Variants in MAP3K9 observed in about 807,000 individuals in gnomAD.
The protein encoded by MAP3K9 is mixed lineage kinase 1 (tyr and ser/thr specificity).
A neutral mutation model predicts 95.8 loss-of-function variants in MAP3K9; 46 were observed. The observed-to-expected ratio is 0.48, with a 90% CI of 0.38 to 0.61. The LOEUF (loss-of-function observed/expected upper bound fraction) is 0.61, where lower values mean the gene tolerates loss of function less well. Among genes scored for constraint, MAP3K9 ranks in the 20% least tolerant of loss-of-function variants. The probability of loss-of-function intolerance (pLI) is 0.00; values close to 1 mark genes in which losing one functional copy is unlikely to be tolerated. For missense variants in MAP3K9, 1,296 were observed against 1,474.3 expected (o/e 0.88, Z 1.98); for synonymous variants, 533 against 593.8 (o/e 0.90, Z 1.49).
At position 70,735,966 on chromosome 14, in the gene MAP3K9, G is replaced by A; in HGVS notation, c.1908C>T (p.His636=). 6.2e-7 allele frequency: 1 copy of A among 1,611,470 alleles called. No homozygotes were observed. The highest frequency in any genetic ancestry group is 8.5e-7 in the Non-Finnish European group (1 of 1,177,620). The change falls in exon 9 of 12, where the codon CAC becomes CAT. Residue 636 remains histidine (H), a synonymous_variant. Coordinates refer to ENST00000554752, the MANE Select transcript of MAP3K9 (RefSeq NM_001284230.2). ...AGGGTGAAGATGAGACTCACCCCAAGTGGAAATGTGGAGATTCTGATGGGG... is the reference window on the plus strand; with the variant it reads ...AGGGTGAAGATGAGACTCACCCCAAATGGAAATGTGGAGATTCTGATGGGG... ...LSTPSESPHF[H]LGLKSLVDGY... is the part of the protein sequence containing the mutation.
chr14:70,803,846 T>C (rs1397553765), intron 1 of MAP3K9, among the ~76,000 whole-genome samples: 3 of 152,222 alleles, frequency 2.0e-5, no homozygotes, highest in Non-Finnish European at 2.9e-5. Flanking sequence ...CAAATTTCAG[T>C]ACTACAGAGG....
At position 70,809,297 on chromosome 14, in the gene MAP3K9, G is replaced by A. The variant is rs1322126516; in HGVS notation, c.-126C>T. On this transcript the variant is annotated 5_prime_UTR_variant, in exon 1 of 12. Coordinates refer to ENST00000554752, the MANE Select transcript of MAP3K9 (RefSeq NM_001284230.2). ...ACGACGGCGGCCGCAGGTAGGGCCCGGGCTGGCAGGGCTGGGAGAGCCGGC... is the reference window on the plus strand; with the variant it reads ...ACGACGGCGGCCGCAGGTAGGGCCCAGGCTGGCAGGGCTGGGAGAGCCGGC... 4.3e-6 allele frequency: 5 copies of A among 1,158,530 alleles called. No homozygotes were observed. Among genetic ancestry groups the A allele is most frequent in the Non-Finnish European group, 5.4e-6 (5 of 918,018 alleles). 71.8% of individuals were successfully genotyped at this position (1,158,530 alleles called of 1,614,324 possible). A position where few individuals can be genotyped will look rare whatever the true frequency, so the allele number is the denominator to read the frequency against.
chr14:70,739,824 G>T lies in MAP3K9; in HGVS notation c.1690+218C>A, dbSNP rs1346449324. 3 of 1,428,264 alleles carry T rather than the reference G, an allele frequency of 2.1e-6. No individual in the cohort carries two copies. The African/African-American group carries it at 4.2e-5, about 20-fold the overall frequency. 88.5% of individuals were successfully genotyped at this position (1,428,264 alleles called of 1,614,324 possible). A position where few individuals can be genotyped will look rare whatever the true frequency, so the allele number is the denominator to read the frequency against. On this transcript the variant is annotated intron_variant, in intron 7 of 11. Transcript: ENST00000554752. ...TACCCACAAATCCCTTTGCTGATAT[G>T]TGACTAAAAGGTAGAGGGGGCAGTA...
At chr14:70,761,518 T>C (rs960136318) in intron 2 of MAP3K9, among the ~76,000 whole-genome samples, 2 of 152,168 alleles carry the variant, frequency 1.3e-5, no homozygotes, top group African/African-American at 4.8e-5. Context: ...ATCCCAGCAT[T>C]TGGGGAGGCC....
chr14:70,761,641 G>C (rs1223454219), intron 2 of MAP3K9, among the ~76,000 whole-genome samples: 1 of 152,186 alleles, frequency 6.6e-6, no homozygotes, highest in Non-Finnish European at 1.5e-5. Context: ...GTGCACGCCA[G>C]TGACTCTCAA....
At chr14:70,772,077 AC>A (rs1390965208) in intron 2 of MAP3K9, among the ~76,000 whole-genome samples, 1 of 152,080 alleles carries the variant, frequency 6.6e-6, no homozygotes, top group South Asian at 2.1e-4. Flanking sequence ...CAAATGATTC[AC>A]CACCTAGACT....
chr14:70,734,503 A>G lies in MAP3K9; in HGVS notation c.1914-5T>C. The G allele has an allele frequency of 1.9e-6, 3 of 1,548,966 alleles. No homozygotes were observed. The highest frequency in any genetic ancestry group is 2.7e-6 in the Non-Finnish European group (3 of 1,123,680). ...CCATCTACCAGGGACTTGAGGCTGAATCAGAGGAAAAGAGGAAACTGTCAG... is the reference window on the plus strand; with the variant it reads ...CCATCTACCAGGGACTTGAGGCTGAGTCAGAGGAAAAGAGGAAACTGTCAG... On this transcript the variant is annotated splice_region_variant and splice_polypyrimidine_tract_variant and intron_variant, in intron 9 of 11. Coordinates refer to ENST00000554752, the MANE Select transcript of MAP3K9 (RefSeq NM_001284230.2).
At position 70,760,953 on chromosome 14, in the gene MAP3K9, C is replaced by A. The variant is rs747280168; in HGVS notation, c.1001+49G>T. On this transcript the variant is annotated intron_variant, in intron 3 of 11. Transcript: ENST00000554752. ...TTCTCCAAGTCTTGAAATGTGTGTG[C>A]CACCAAGATGGACCTAGGAAATGCT... The A allele has an allele frequency of 6.3e-6, 10 of 1,584,148 alleles. No individual in the cohort carries two copies. The Admixed American group carries it at 1.7e-4, about 27-fold the overall frequency.
chr14:70,761,330 T>TGACC (rs2054371985), intron 2 of MAP3K9, 148 bp from the exon 3 acceptor site: 1 of 650,170 alleles, frequency 1.5e-6, no homozygotes, highest in African/African-American at 1.8e-5. Flanking sequence ...CCATCATTTC[T>TGACC]TAAACACCTA....
chr14:70,790,916 A>C (rs1473409062), intron 2 of MAP3K9, among the ~76,000 whole-genome samples: 4 of 152,194 alleles, frequency 2.6e-5, no homozygotes, highest in Non-Finnish European at 5.9e-5. Context: ...TAAGGAATGG[A>C]AATTTTTCCA....
In MAP3K9 at chr14:70,745,564, C is replaced by G. The variant is rs562844608; in HGVS notation, c.1327-2973G>C. On this transcript the variant is annotated intron_variant, in intron 5 of 11. Coordinates refer to ENST00000554752, the MANE Select transcript of MAP3K9 (RefSeq NM_001284230.2). Reference sequence around the variant, plus strand: ...ACCAGCCTGGCCATGATAGTGAAACCCTGTCTCTACTAAAAACATAAGAAT... The same window carrying G: ...ACCAGCCTGGCCATGATAGTGAAACGCTGTCTCTACTAAAAACATAAGAAT... Among the ~76,000 whole-genome samples, 11 of 152,128 alleles carry G rather than the reference C, an allele frequency of 7.2e-5. No homozygotes were observed. The East Asian group carries it at 2.1e-3, about 29-fold the overall frequency.
At chr14:70,755,630 C>A (rs2054288893) in intron 3 of MAP3K9, among the ~76,000 whole-genome samples, 1 of 152,198 alleles carries the variant, frequency 6.6e-6, no homozygotes, top group Non-Finnish European at 1.5e-5. Context: ...GTATGTACAG[C>A]AGTGGGCACA....
chr14:70,805,107 C>T (rs777170041), intron 1 of MAP3K9, among the ~76,000 whole-genome samples: 55 of 152,176 alleles, frequency 3.6e-4, no homozygotes, highest in Non-Finnish European at 6.8e-4. Context: ...AGGATATTTC[C>T]AGGAATATCA....
rs938347322 is a variant in MAP3K9, at chr14:70,730,333, C to T, written c.*47G>A. ...GAAAGGGCTGTGCCCGCCAGCTCCC[C>T]TCATCTCCGCTGGCTGTCCCCCTTG... On this transcript the variant is annotated 3_prime_UTR_variant, in exon 12 of 12. Coordinates refer to ENST00000554752, the MANE Select transcript of MAP3K9 (RefSeq NM_001284230.2). 1 of 1,567,060 alleles carries T rather than the reference C, an allele frequency of 6.4e-7. No homozygotes were observed. The highest frequency in any genetic ancestry group is 8.7e-7 in the Non-Finnish European group (1 of 1,151,818).
chr14:70,751,508 CAG>C (rs1451670751), intron 3 of MAP3K9, among the ~76,000 whole-genome samples: 2 of 152,172 alleles, frequency 1.3e-5, no homozygotes, highest in Non-Finnish European at 2.9e-5. Context: ...CACTTGAGGT[CAG>C]GAGTTCAAGA....
intron 1 of MAP3K9, among the ~76,000 whole-genome samples, chr14:70,806,502 A>G (rs2054991589): frequency 6.6e-6 from 1 of 152,230 alleles, no homozygotes; most frequent in East Asian, 1.9e-4. Context: ...CAAATGCCAT[A>G]TTCTTCAAGT....
chr14:70,775,471 T>G (rs1226564137), intron 2 of MAP3K9, among the ~76,000 whole-genome samples: 4 of 152,202 alleles, frequency 2.6e-5, no homozygotes, highest in African/African-American at 9.6e-5. Flanking sequence ...ACAATACCAG[T>G]CTCTCATAGG....
At position 70,731,362 on chromosome 14, in the gene MAP3K9, T is replaced by A. The variant is rs899488023; in HGVS notation, c.2831-498A>T. Among the ~76,000 whole-genome samples, 5 of 151,976 alleles carry A rather than the reference T, an allele frequency of 3.3e-5. No individual in the cohort carries two copies. In the East Asian group the frequency reaches 9.7e-4, roughly 29 times the overall value. On this transcript the variant is annotated intron_variant, in intron 11 of 11. Coordinates refer to ENST00000554752, the MANE Select transcript of MAP3K9 (RefSeq NM_001284230.2). ...TACTTGGGAGGCTGAGGCAAGAGGA[T>A]CACTTGAGCCCAGGAGGTTGAGGCT...
At chr14:70,744,464 AAT>A (rs1491571915) in intron 5 of MAP3K9, among the ~76,000 whole-genome samples, 4 of 152,178 alleles carry the variant, frequency 2.6e-5, no homozygotes, top group African/African-American at 9.7e-5. Context: ...ATAAAATATA[AAT>A]ATGTTTCCAG....
Sources: allele counts gnomAD v4.1 joint callset (sites outside exome capture counted in the v4.1 genomes callset), GRCh38; gene constraint gnomAD v4.1.1; transcripts MANE v1.5; gene names NCBI Gene and HGNC (gene_info 2026-07-23, HGNC 2026-07-21).